RAP1GAP2: variants seen among roughly 807,000 people sequenced by gnomAD.
RAP1GAP2 encodes the protein RAP1 GTPase activating protein 2, also known as rap1 GTPase-activating protein 2.
A neutral mutation model predicts 95.0 loss-of-function variants in RAP1GAP2; 27 were observed. That is an observed-to-expected ratio of 0.28 (90% CI 0.21 to 0.39). RAP1GAP2 has a LOEUF of 0.39. RAP1GAP2 is among the 10% of genes least tolerant of loss of function. The probability of loss-of-function intolerance (pLI) is 1.00; values close to 1 mark genes in which losing one functional copy is unlikely to be tolerated. For synonymous variants in RAP1GAP2, 373 were observed against 380.9 expected (o/e 0.98, Z 0.24); for missense variants, 771 against 970.0 (o/e 0.79, Z 2.72).
intron 3 of RAP1GAP2, among the ~76,000 whole-genome samples, chr17:2,929,405 TG>T (rs2151788804): frequency 6.6e-6 from 1 of 152,192 alleles, no homozygotes; most frequent in South Asian, 2.1e-4. Context: ...GTGACTGTGA[TG>T]GGCGGCATTT....
At chr17:2,875,569 G>C (rs748477062) in intron 2 of RAP1GAP2, among the ~76,000 whole-genome samples, 1 of 152,162 alleles carries the variant, frequency 6.6e-6, no homozygotes, top group Non-Finnish European at 1.5e-5. Flanking sequence ...TGATTACTTA[G>C]CTCATGGAGC....
intron 2 of RAP1GAP2, among the ~76,000 whole-genome samples, chr17:2,823,559 G>A (rs917892146): frequency 1.1e-4 from 16 of 152,168 alleles, no homozygotes; most frequent in Admixed American, 9.2e-4. Context: ...GGTCCTGGAC[G>A]CATGGCGTAA....
intron 2 of RAP1GAP2, chr17:2,853,966 G>T (rs1176634212): frequency 3.1e-6 from 3 of 983,560 alleles, no homozygotes; most frequent in African/African-American, 1.8e-5. Context: ...ACGCGGGCGG[G>T]CGAGGTCGGG....
chr17:2,935,687 A>C (rs748043185), intron 3 of RAP1GAP2, among the ~76,000 whole-genome samples: 1 of 152,218 alleles, frequency 6.6e-6, no homozygotes, highest in Non-Finnish European at 1.5e-5. Flanking sequence ...AAGCACGTTC[A>C]CATTTGTGGC....
chr17:2,895,270 G>A (rs1597542390), intron 2 of RAP1GAP2, among the ~76,000 whole-genome samples: 2 of 152,268 alleles, frequency 1.3e-5, no homozygotes, highest in Middle Eastern at 3.4e-3. Context: ...GGAGGCAGGC[G>A]TCCACTCTGG....
At chr17:2,962,810 G>A in intron 5 of RAP1GAP2, 96 bp downstream of exon 5, 1 of 1,182,776 alleles carries the variant, frequency 8.5e-7, no homozygotes, top group Non-Finnish European at 1.2e-6. Flanking sequence ...GGGGTCTTCT[G>A]TCTCACACCT....
intron 1 of RAP1GAP2, among the ~76,000 whole-genome samples, chr17:2,778,552 C>T (rs73976583): frequency 0.034 from 5,101 of 152,172 alleles, 247 homozygotes; most frequent in African/African-American, 0.12. Context: ...CTGATCAACT[C>T]TGGCTGAGCC....
chr17:2,901,502 T>C (rs1186224558), intron 2 of RAP1GAP2, among the ~76,000 whole-genome samples: 1 of 152,030 alleles, frequency 6.6e-6, no homozygotes, highest in Admixed American at 6.6e-5. Flanking sequence ...CTGGGTCGCT[T>C]GAGGGCTGCG....
chr17:2,915,957 C>T (rs1254320079), intron 3 of RAP1GAP2, among the ~76,000 whole-genome samples: 1 of 151,824 alleles, frequency 6.6e-6, no homozygotes, highest in African/African-American at 2.4e-5. Flanking sequence ...CTCAGCCTCT[C>T]CCAAAGTGCT....
chr17:2,766,144 C>T (rs930441509), intron 1 of RAP1GAP2, among the ~76,000 whole-genome samples: 1 of 152,154 alleles, frequency 6.6e-6, no homozygotes, highest in Non-Finnish European at 1.5e-5. Flanking sequence ...TTGTGCTCTG[C>T]AGCAACCCAA....
intron 1 of RAP1GAP2, chr17:2,755,781 G>T: frequency 2.8e-6 from 1 of 354,636 alleles, no homozygotes; most frequent in South Asian, 1.3e-4. Flanking sequence ...AGTGGGCGCC[G>T]GGCGGCGCGG....
At chr17:2,977,689 G>A (rs2151526972) in intron 8 of RAP1GAP2, among the ~76,000 whole-genome samples, 1 of 148,674 alleles carries the variant, frequency 6.7e-6, no homozygotes, top group Admixed American at 6.8e-5. Context: ...AGGTTGCAGT[G>A]AGCCGAGATT....
chr17:2,820,291 G>C (rs961771297), intron 2 of RAP1GAP2, among the ~76,000 whole-genome samples: 1 of 152,090 alleles, frequency 6.6e-6, no homozygotes, highest in Non-Finnish European at 1.5e-5. Context: ...GGGCTGTTGG[G>C]TCGCAGCTCT....
intron 2 of RAP1GAP2, among the ~76,000 whole-genome samples, chr17:2,806,011 A>T (rs1027722351): frequency 6.6e-6 from 1 of 152,036 alleles, no homozygotes; most frequent in African/African-American, 2.4e-5. Context: ...TAGAAGTGGC[A>T]CCTCTGGAGA....
intron 2 of RAP1GAP2, among the ~76,000 whole-genome samples, chr17:2,881,728 T>C (rs962953063): frequency 6.6e-6 from 1 of 152,246 alleles, no homozygotes; most frequent in Non-Finnish European, 1.5e-5. Flanking sequence ...CTACAGTTTC[T>C]CTGCATTCTT....
intron 2 of RAP1GAP2, among the ~76,000 whole-genome samples, chr17:2,800,845 TTC>T (rs2069259077): frequency 2.0e-5 from 2 of 97,754 alleles, no homozygotes; most frequent in Non-Finnish European, 2.4e-5. Flanking sequence ...TTTTCTTTCT[TTC>T]TTTCTTTCTT....
intron 3 of RAP1GAP2, among the ~76,000 whole-genome samples, chr17:2,916,856 G>A (rs1045535278): frequency 6.6e-6 from 1 of 152,172 alleles, no homozygotes; most frequent in African/African-American, 2.4e-5. Flanking sequence ...AGAGTCCCTT[G>A]CCTCTTCTTA....
rs139934174 is a variant in RAP1GAP2 at position 2,986,984 on chromosome 17, T to A, written c.813+1918T>A. 3.5e-3 allele frequency among the ~76,000 whole-genome samples: 535 copies of A among 152,346 alleles called. 2 individuals are homozygous for A. Among genetic ancestry groups the A allele is most frequent in the African/African-American group, 0.012 (498 of 41,586 alleles). ...TGCTATAGATCAGGGATTGGCAAAC[T>A]TTTTTGGGTAAAGGGCCAGATAGTA... On this transcript the variant is annotated intron_variant, in intron 11 of 24. Transcript: ENST00000254695.
intron 2 of RAP1GAP2, among the ~76,000 whole-genome samples, chr17:2,877,223 C>T (rs1254998499): frequency 6.6e-6 from 1 of 152,114 alleles, no homozygotes; most frequent in Non-Finnish European, 1.5e-5. Context: ...GTCCACTTGT[C>T]AGCATGCTCT....
Sources: allele counts gnomAD v4.1 joint callset (sites outside exome capture counted in the v4.1 genomes callset), GRCh38; gene constraint gnomAD v4.1.1; transcripts MANE v1.5; gene names NCBI Gene and HGNC (gene_info 2026-07-23, HGNC 2026-07-21).